ST7: variants seen among roughly 807,000 people sequenced by gnomAD.
ST7 encodes suppressor of tumorigenicity 7 protein.
Under a neutral mutation model 78.7 loss-of-function variants are expected in ST7, and 28 were observed. The observed-to-expected ratio is 0.36, with a 90% CI of 0.26 to 0.49. The LOEUF (loss-of-function observed/expected upper bound fraction) is 0.49. Among genes scored for constraint, ST7 ranks in the 20% least tolerant of loss-of-function variants. The pLI is 0.99. For missense variants in ST7, 418 were observed against 696.0 expected (o/e 0.60, Z 4.49); for synonymous variants, 247 against 249.6 (o/e 0.99, Z 0.10).
At chr7:117,020,066 C>A (rs1795803267) in intron 1 of ST7, 1 of 152,436 alleles carries the variant, frequency 6.6e-6, no homozygotes, top group Non-Finnish European at 1.5e-5. Context: ...GGAGTGTATA[C>A]GTGGCTCTCG....
At chr7:116,959,445 C>T (rs1792707057) in intron 1 of ST7, 1 of 332,256 alleles carries the variant, frequency 3.0e-6, no homozygotes, top group African/African-American at 2.2e-5. Context: ...GATTCTAGTT[C>T]TTCATCTTCC....
intron 1 of ST7, chr7:117,098,791 T>C: frequency 7.7e-7 from 1 of 1,302,096 alleles, no homozygotes; most frequent in Non-Finnish European, 1.0e-6. Context: ...AGTAAAGAAA[T>C]GTGAATACTC....
intron 10 of ST7, among the ~76,000 whole-genome samples, chr7:117,185,282 A>C (rs1359447979): frequency 6.6e-6 from 1 of 152,218 alleles, no homozygotes; most frequent in Non-Finnish European, 1.5e-5. Context: ...GATAAATTCT[A>C]CTTTTGTCTG....
chr7:117,085,989 A>G (rs1215844179), intron 1 of ST7, among the ~76,000 whole-genome samples: 1 of 152,084 alleles, frequency 6.6e-6, no homozygotes, highest in Non-Finnish European at 1.5e-5. Context: ...CTAGCTAGTA[A>G]TCAAATAACC....
At chr7:117,104,596 T>C (rs1259187531) in intron 2 of ST7, among the ~76,000 whole-genome samples, 1 of 152,192 alleles carries the variant, frequency 6.6e-6, no homozygotes, top group Non-Finnish European at 1.5e-5. Context: ...TAGCATATGA[T>C]CCAGCAATTC....
chr7:117,118,846 T>G (rs1798239068), intron 2 of ST7, among the ~76,000 whole-genome samples: 1 of 152,234 alleles, frequency 6.6e-6, no homozygotes, highest in African/African-American at 2.4e-5. Context: ...AGCATCATTG[T>G]TCTTTCATTA....
chr7:116,954,041 G>C (rs1416729704), intron 1 of ST7: 2 of 151,832 alleles, frequency 1.3e-5, no homozygotes, highest in East Asian at 3.9e-4. Context: ...ACACCCCCTC[G>C]GGTGTCTGCG....
chr7:117,202,619 G>A (rs891608275), intron 12 of ST7, among the ~76,000 whole-genome samples: 2 of 152,108 alleles, frequency 1.3e-5, no homozygotes, highest in African/African-American at 4.8e-5. Context: ...CCATCACCTG[G>A]ACTCTAACAG....
chr7:117,229,052 T>G (rs1420383815), intron 15 of ST7, among the ~76,000 whole-genome samples: 1 of 152,264 alleles, frequency 6.6e-6, no homozygotes, highest in African/African-American at 2.4e-5. Flanking sequence ...GTATCTCATG[T>G]GAAGCACTTG....
At chr7:116,993,741 A>T (rs1794527249) in intron 1 of ST7, among the ~76,000 whole-genome samples, 1 of 152,248 alleles carries the variant, frequency 6.6e-6, no homozygotes, top group Admixed American at 6.5e-5. Flanking sequence ...TAGGGGAAAT[A>T]GAGTTTATTT....
intron 1 of ST7, among the ~76,000 whole-genome samples, chr7:117,032,112 C>T (rs1796631403): frequency 6.6e-6 from 1 of 151,780 alleles, no homozygotes; most frequent in Admixed American, 6.6e-5. Context: ...GAATTCCTGA[C>T]CTCAAGTGAT....
intron 1 of ST7, among the ~76,000 whole-genome samples, chr7:116,964,369 G>A (rs1175119233): frequency 6.6e-6 from 1 of 152,048 alleles, no homozygotes; most frequent in Non-Finnish European, 1.5e-5. Context: ...CCTGTTTATT[G>A]AACGTTCCTA....
intron 15 of ST7, chr7:117,223,004 C>A: frequency 6.6e-7 from 1 of 1,519,136 alleles, no homozygotes; most frequent in Non-Finnish European, 9.1e-7. Context: ...CTTCCCCCAC[C>A]ACCAAAACTG....
chr7:117,118,274 T>G (rs1803059526), intron 2 of ST7: 1 of 152,452 alleles, frequency 6.6e-6, no homozygotes, highest in African/African-American at 2.4e-5. Context: ...TCTGAAAATA[T>G]TCAAAATCCA....
In ST7 at chr7:117,130,471, A is replaced by G. The variant is rs373914871; in HGVS notation, c.450-20A>G. On this transcript the variant is annotated intron_variant, in intron 4 of 15. Coordinates refer to ENST00000323984, the MANE Select transcript of ST7 (RefSeq NM_001369598.1). The stretch of plus-strand genomic sequence containing the variant: ...TTTTCTCTCTCAAAAGTGTCTAATC[A>G]TCTTATTTCTCCTTTGCAGGTATAC... 1.2e-5 allele frequency: 19 copies of G among 1,568,900 alleles called. No individual in the cohort carries two copies. Among genetic ancestry groups the G allele is most frequent in the Non-Finnish European group, 1.5e-5 (17 of 1,144,318 alleles).
At chr7:116,972,367 T>G in intron 1 of ST7, 3 of 641,492 alleles carry the variant, frequency 4.7e-6, no homozygotes, top group Non-Finnish European at 8.4e-6. Context: ...ATATTTGTCT[T>G]CTTTTTGAGA....
At chr7:116,974,971 C>G (rs1221454992) in intron 1 of ST7, among the ~76,000 whole-genome samples, 1 of 152,170 alleles carries the variant, frequency 6.6e-6, no homozygotes, top group Non-Finnish European at 1.5e-5. Flanking sequence ...CATCTCAATT[C>G]TGCCCTGATT....
At chr7:116,954,431 G>C (rs1398888138) in intron 1 of ST7, 2 of 152,372 alleles carry the variant, frequency 1.3e-5, no homozygotes, top group Non-Finnish European at 2.9e-5. Context: ...AGTTTTCAGT[G>C]ATCTTTGCTC....
intron 3 of ST7, among the ~76,000 whole-genome samples, chr7:117,125,588 T>A (rs1398887005): frequency 6.6e-6 from 1 of 152,054 alleles, no homozygotes; most frequent in East Asian, 1.9e-4. Flanking sequence ...TAATGATTGC[T>A]TTAAATTGAT....
Sources: gnomAD v4.1 joint callset for allele counts (sites outside exome capture counted in the v4.1 genomes callset) on GRCh38, gnomAD v4.1.1 for gene constraint, MANE v1.5 for transcripts, NCBI Gene and HGNC (gene_info 2026-07-23, HGNC 2026-07-21) for gene names.